DNAH3: variants seen among roughly 807,000 people sequenced by gnomAD.
DNAH3 encodes dynein axonemal heavy chain 3, also known as axonemal beta dynein heavy chain 3.
In DNAH3, 332 loss-of-function variants were observed where a neutral mutation model predicts 432.5. The observed-to-expected ratio is 0.77, with a 90% CI of 0.70 to 0.84. The LOEUF is 0.84. DNAH3 is among the 40% of genes least tolerant of loss of function. The pLI is 0.00. For synonymous variants in DNAH3, 1,956 were observed against 1,900.2 expected (o/e 1.03, Z -0.76); for missense variants, 4,861 against 5,114.0 (o/e 0.95, Z 1.51).
At chr16:21,094,796 A>T (rs768495332) in intron 18 of DNAH3, among the ~76,000 whole-genome samples, 1 of 152,046 alleles carries the variant, frequency 6.6e-6, no homozygotes, top group Non-Finnish European at 1.5e-5. Flanking sequence ...ATCTGGTGGG[A>T]GGTAACTGAA....
chr16:20,992,385 A>C (rs554880143), intron 44 of DNAH3, among the ~76,000 whole-genome samples: 1 of 152,180 alleles, frequency 6.6e-6, no homozygotes, highest in Non-Finnish European at 1.5e-5. Context: ...TTGCTCTGTC[A>C]CCCAGGCTGT....
At chr16:20,945,690 C>T (rs2084014904) in intron 57 of DNAH3, among the ~76,000 whole-genome samples, 1 of 152,138 alleles carries the variant, frequency 6.6e-6, no homozygotes, top group Non-Finnish European at 1.5e-5. Context: ...CGGGGTTTCA[C>T]TGCGTTAGCC....
At chr16:21,102,592 G>A (rs908880889) in intron 16 of DNAH3, among the ~76,000 whole-genome samples, 6 of 152,112 alleles carry the variant, frequency 3.9e-5, no homozygotes, top group Non-Finnish European at 7.3e-5. Flanking sequence ...GGGGCACAGA[G>A]TCTCAAAAAG....
chr16:20,972,240 T>C lies in DNAH3; in HGVS notation c.8260-2250A>G, dbSNP rs78350773. On this transcript the variant is annotated intron_variant, in intron 51 of 61. Coordinates refer to ENST00000261383, the Ensembl canonical transcript of DNAH3. The stretch of plus-strand genomic sequence containing the variant: ...AATCTCCTGATTTTTTTTTCTCTCT[T>C]TTTTTTTTTTTGAGATAAGATCTTA... Among the ~76,000 whole-genome samples, 900 of 146,322 alleles carry C rather than the reference T, an allele frequency of 6.2e-3. 9 individuals are homozygous for C. The highest frequency in any genetic ancestry group is 0.021 in the African/African-American group (839 of 40,282).
At chr16:21,048,408 C>T (rs939791666) in intron 31 of DNAH3, among the ~76,000 whole-genome samples, 11 of 152,184 alleles carry the variant, frequency 7.2e-5, no homozygotes, top group Non-Finnish European at 1.0e-4. Context: ...ATCAGAAAAG[C>T]GCAGTATTCG....
intron 46 of DNAH3, 60 bp downstream of exon 46, chr16:20,987,633 A>T (rs1259315514): frequency 1.9e-6 from 3 of 1,594,062 alleles, no homozygotes; most frequent in Non-Finnish European, 2.6e-6. Flanking sequence ...CTATTACTAC[A>T]TGTTCTATGT....
intron 50 of DNAH3, 130 bp from the exon 51 acceptor site, chr16:20,975,545 G>A (rs1748575327): frequency 1.1e-6 from 1 of 889,836 alleles, no homozygotes; most frequent in African/African-American, 1.7e-5. Flanking sequence ...CATGGTCCTG[G>A]GTACAGATTC....
Position 20,969,775 on chromosome 16 carries a change from G to T in DNAH3, c.8458+17C>A, listed in dbSNP as rs1335216915. 6.2e-7 allele frequency: 1 copy of T among 1,613,872 alleles called. No individual in the cohort carries two copies. Among genetic ancestry groups the T allele is most frequent in the Non-Finnish European group, 8.5e-7 (1 of 1,179,912 alleles). ...AAAGAGCAGCCTGTGCAGGCATCTG[G>T]GTGGGGTGGCACTTACCGGAGCCAC... On this transcript the variant is annotated intron_variant, in intron 52 of 61. Coordinates refer to ENST00000261383, the Ensembl canonical transcript of DNAH3.
At chr16:20,953,433 ACAGGTGTGAAC>A (rs1261733446) in intron 55 of DNAH3, among the ~76,000 whole-genome samples, 1 of 152,192 alleles carries the variant, frequency 6.6e-6, no homozygotes, top group Non-Finnish European at 1.5e-5. Flanking sequence ...TGCTGGGATT[ACAGGTGTGAAC>A]CATCGCGCCC....
At chr16:21,145,432 G>C (rs938903401) in intron 2 of DNAH3, 26 bp from the exon 4 acceptor site, 4 of 1,584,474 alleles carry the variant, frequency 2.5e-6, no homozygotes, top group Non-Finnish European at 3.5e-6. Flanking sequence ...TGCAGAGTGA[G>C]ACACAATGAG....
chr16:20,980,270 A>G, intron 49 of DNAH3, among the ~76,000 whole-genome samples: 1 of 138,968 alleles, frequency 7.2e-6, no homozygotes, highest in East Asian at 2.0e-4. Context: ...TTATATTATA[A>G]TATACATCAT....
chr16:20,971,702 C>T (rs993770752), intron 51 of DNAH3, among the ~76,000 whole-genome samples: 4 of 152,172 alleles, frequency 2.6e-5, no homozygotes, highest in South Asian at 2.1e-4. Flanking sequence ...CACTCACCTC[C>T]CTCCTGCTCC....
chr16:21,047,975 A>T (rs2089781600), intron 31 of DNAH3, among the ~76,000 whole-genome samples: 1 of 151,930 alleles, frequency 6.6e-6, no homozygotes, highest in Admixed American at 6.6e-5. Flanking sequence ...GGTGCCTCCC[A>T]GTTAGGCTGC....
chr16:21,103,772 T>C (rs995728926), intron 16 of DNAH3: 1 of 152,154 alleles, frequency 6.6e-6, no homozygotes, highest in Non-Finnish European at 1.5e-5. Flanking sequence ...GACAGGGTAA[T>C]TGATATGAAT....
At position 21,070,691 on chromosome 16, in the gene DNAH3, C is replaced by G. The variant is rs374736610; in HGVS notation, c.3201+19G>C. Reference sequence around the variant, plus strand: ...AGCTAACGAAACACCTCAAAGCATTCAACTTCATTTCCTCTTACCCGGCAT... The same window carrying G: ...AGCTAACGAAACACCTCAAAGCATTGAACTTCATTTCCTCTTACCCGGCAT... On this transcript the variant is annotated intron_variant, in intron 22 of 61. Transcript: ENST00000261383. 5 of 1,534,394 alleles carry G rather than the reference C, an allele frequency of 3.3e-6. No homozygotes were observed. The highest frequency in any genetic ancestry group is 4.5e-6 in the Non-Finnish European group (5 of 1,107,654).
At chr16:21,004,557 A>C (rs1467892644) in intron 41 of DNAH3, among the ~76,000 whole-genome samples, 1 of 151,964 alleles carries the variant, frequency 6.6e-6, no homozygotes, top group Non-Finnish European at 1.5e-5. Flanking sequence ...TAGTAGACAC[A>C]GGGTTTTGCC....
At chr16:21,082,446 C>T (rs1406097978) in intron 19 of DNAH3, among the ~76,000 whole-genome samples, 4 of 152,144 alleles carry the variant, frequency 2.6e-5, no homozygotes, top group Non-Finnish European at 4.4e-5. Context: ...AAGCAATCCT[C>T]GCACCTTGAT....
intron 48 of DNAH3, among the ~76,000 whole-genome samples, chr16:20,983,553 A>G (rs1337172886): frequency 6.6e-6 from 1 of 151,970 alleles, no homozygotes; most frequent in African/African-American, 2.4e-5. Flanking sequence ...GGAGCCATAC[A>G]CTGTTATTTA....
exon 53 of DNAH3, chr16:20,963,857 T>A (rs768414273): frequency 6.2e-7 from 1 of 1,614,074 alleles, no homozygotes; most frequent in Non-Finnish European, 8.5e-7. Flanking sequence ...ATGCGCAGAT[T>A]CAGTTCCTCG....
Sources: gnomAD v4.1 joint callset for allele counts (sites outside exome capture counted in the v4.1 genomes callset) on GRCh38, gnomAD v4.1.1 for gene constraint, MANE v1.5 for transcripts, NCBI Gene and HGNC (gene_info 2026-07-23, HGNC 2026-07-21) for gene names.